ITGA1: variants seen among roughly 807,000 people sequenced by gnomAD.
ITGA1 encodes the protein integrin alpha-1.
In ITGA1, 85 loss-of-function variants were observed where a neutral mutation model predicts 145.9. That is an observed-to-expected ratio of 0.58 (90% CI 0.49 to 0.70). The LOEUF (loss-of-function observed/expected upper bound fraction) is 0.70, where lower values mean the gene tolerates loss of function less well. Ranked by LOEUF, ITGA1 falls within the 30% of genes least tolerant of loss-of-function variation. The pLI is 0.00. For missense variants in ITGA1, 1,351 were observed against 1,418.7 expected (o/e 0.95, Z 0.77); for synonymous variants, 520 against 495.3 (o/e 1.05, Z -0.66).
chr5:52,801,512 C>G, intron 1 of ITGA1: 2 of 1,614,048 alleles, frequency 1.2e-6, no homozygotes, highest in Non-Finnish European at 1.7e-6. Context: ...GAAGTCAAAG[C>G]CTTGGATGAC....
chr5:52,847,102 A>T (rs1012676742), intron 1 of ITGA1, among the ~76,000 whole-genome samples: 2 of 152,236 alleles, frequency 1.3e-5, no homozygotes, highest in African/African-American at 4.8e-5. Flanking sequence ...TCTGACACAG[A>T]TAACTATATA....
chr5:52,860,850 A>T (rs1018219222), intron 2 of ITGA1, among the ~76,000 whole-genome samples: 6 of 152,224 alleles, frequency 3.9e-5, no homozygotes, highest in African/African-American at 1.4e-4. Flanking sequence ...AATTCTGTCT[A>T]AAAGGAAAGT....
chr5:52,797,956 A>G (rs1748377191), intron 1 of ITGA1, among the ~76,000 whole-genome samples: 1 of 152,172 alleles, frequency 6.6e-6, no homozygotes, highest in South Asian at 2.1e-4. Flanking sequence ...AGACTATGGG[A>G]AAGATAAATT....
At chr5:52,910,659 T>C (rs1461293576) in intron 14 of ITGA1, among the ~76,000 whole-genome samples, 1 of 147,734 alleles carries the variant, frequency 6.8e-6, no homozygotes, top group East Asian at 2.0e-4. Flanking sequence ...ATAATGTGTA[T>C]ATAGTATATA....
At chr5:52,839,221 C>T (rs570322033) in intron 1 of ITGA1, among the ~76,000 whole-genome samples, 62 of 152,198 alleles carry the variant, frequency 4.1e-4, no homozygotes, top group South Asian at 1.2e-3. Flanking sequence ...TAGGTGATAC[C>T]GTAAGGCATA....
chr5:52,865,770 T>G lies in ITGA1; in HGVS notation c.577T>G (p.Leu193Val). ...CCCATGGGACAGTGTTACAGCTTTT[T>G]TAAATGACCTTCTTGAAAGAATGGA... is the stretch of plus-strand genomic sequence containing the variant. ...IYPWDSVTAFLNDLLERMDIG... is the reference protein window; with the variant it reads ...IYPWDSVTAFVNDLLERMDIG... Residue 193 changes from leucine (L) to valine (V), a missense_variant, in exon 6 of 29, where the codon TTA becomes GTA. Leu to Val is a conservative substitution (Grantham distance 32, BLOSUM62 1). Coordinates refer to ENST00000282588, the MANE Select transcript of ITGA1 (RefSeq NM_181501.2). 2 of 1,604,338 alleles carry G rather than the reference T, an allele frequency of 1.2e-6. No individual in the cohort carries two copies. Among genetic ancestry groups the G allele is most frequent in the Non-Finnish European group, 1.7e-6 (2 of 1,176,154 alleles).
chr5:52,861,280 C>T (rs1040534669), intron 2 of ITGA1, among the ~76,000 whole-genome samples, 167 bp from the exon 3 acceptor site: 3 of 152,002 alleles, frequency 2.0e-5, no homozygotes, highest in African/African-American at 7.3e-5. Flanking sequence ...CATCAATATG[C>T]AAGAGGTAGG....
intron 1 of ITGA1, among the ~76,000 whole-genome samples, chr5:52,789,687 T>C (rs1466141023): frequency 6.6e-6 from 1 of 152,240 alleles, no homozygotes; most frequent in African/African-American, 2.4e-5. Context: ...CACTACTTTT[T>C]ACACATATTT....
At chr5:52,913,025 C>T (rs1579716531) in intron 14 of ITGA1, among the ~76,000 whole-genome samples, 2 of 151,978 alleles carry the variant, frequency 1.3e-5, no homozygotes, top group Admixed American at 6.6e-5. Flanking sequence ...GGATTACAGG[C>T]GTGAGCCACC....
At chr5:52,800,512 C>A (rs1260779384) in intron 1 of ITGA1, 1 of 1,614,098 alleles carries the variant, frequency 6.2e-7, no homozygotes, top group Non-Finnish European at 8.5e-7. Flanking sequence ...CGACAGCCTG[C>A]GCGCCTCCAC....
chr5:52,893,624 T>C, intron 8 of ITGA1, 51 bp from the exon 9 acceptor site: 1 of 1,524,306 alleles, frequency 6.6e-7, no homozygotes, highest in Non-Finnish European at 9.0e-7. Flanking sequence ...AGATCCTTTA[T>C]TTAACACATA....
chr5:52,872,261 C>T (rs891566985), intron 6 of ITGA1, among the ~76,000 whole-genome samples: 4 of 152,030 alleles, frequency 2.6e-5, no homozygotes, highest in Admixed American at 2.6e-4. Context: ...TGAAAAGAAG[C>T]CTGAGGGAGA....
At chr5:52,937,673 T>A (rs1161998384) in intron 24 of ITGA1, among the ~76,000 whole-genome samples, 159 bp downstream of exon 24, 1 of 152,210 alleles carries the variant, frequency 6.6e-6, no homozygotes, top group East Asian at 1.9e-4. Flanking sequence ...GATGTATTAT[T>A]CCCTAGAGCT....
In ITGA1 at chr5:52,952,519, G is replaced by T; in HGVS notation, c.*68G>T. 1 of 669,044 alleles carries T rather than the reference G, an allele frequency of 1.5e-6. No individual in the cohort carries two copies. Among genetic ancestry groups the T allele is most frequent in the Non-Finnish European group, 2.5e-6 (1 of 403,680 alleles). 41.4% of individuals were successfully genotyped at this position (669,044 alleles called of 1,614,324 possible). On this transcript the variant is annotated 3_prime_UTR_variant, in exon 29 of 29. Coordinates refer to ENST00000282588, the MANE Select transcript of ITGA1 (RefSeq NM_181501.2). ...ATCCTCAGGTTTGCCTCAAATATGT[G>T]ACAAGAAATGTATAATTCATGACAT...
In ITGA1 at chr5:52,909,048, G is replaced by T. The variant is rs755803312; in HGVS notation, c.1599+7G>T. On this transcript the variant is annotated splice_region_variant and intron_variant, in intron 13 of 28. Coordinates refer to ENST00000282588, the MANE Select transcript of ITGA1 (RefSeq NM_181501.2). ...TGTGTATGCTCTCAATCAGGTAATG[G>T]TGTCTGAGTTTGGTAGAAATCCAGG... is the stretch of plus-strand genomic sequence containing the variant. 2 of 1,603,524 alleles carry T rather than the reference G, an allele frequency of 1.2e-6. No homozygotes were observed. The highest frequency in any genetic ancestry group is 1.7e-6 in the Non-Finnish European group (2 of 1,177,188).
intron 1 of ITGA1, among the ~76,000 whole-genome samples, chr5:52,842,500 C>G (rs549958721): frequency 2.6e-5 from 4 of 152,246 alleles, no homozygotes; most frequent in African/African-American, 9.6e-5. Flanking sequence ...AAATGGTATA[C>G]TGATTCTTTG....
chr5:52,812,264 A>T (rs1748693657), intron 1 of ITGA1, among the ~76,000 whole-genome samples: 1 of 152,194 alleles, frequency 6.6e-6, no homozygotes, highest in East Asian at 1.9e-4. Flanking sequence ...AAACCGATCA[A>T]TTTGTGAATA....
intron 1 of ITGA1, among the ~76,000 whole-genome samples, chr5:52,844,055 G>C (rs1334246419): frequency 6.6e-6 from 1 of 151,898 alleles, no homozygotes; most frequent in Non-Finnish European, 1.5e-5. Context: ...TCCATCCTGG[G>C]GTAAAGTAAT....
chr5:52,810,365 C>T (rs1748666250), intron 1 of ITGA1, among the ~76,000 whole-genome samples: 1 of 152,186 alleles, frequency 6.6e-6, no homozygotes, highest in Admixed American at 6.5e-5. Flanking sequence ...TTTTTATATT[C>T]AACATTTTAT....
Sources: gnomAD v4.1 joint callset for allele counts (sites outside exome capture counted in the v4.1 genomes callset) on GRCh38, gnomAD v4.1.1 for gene constraint, MANE v1.5 for transcripts, NCBI Gene and HGNC (gene_info 2026-07-23, HGNC 2026-07-21) for gene names.